The following THBS1 variants were observed in gnomAD, a reference collection of about 807,000 sequenced individuals.
The protein encoded by THBS1 is thrombospondin-1.
In THBS1, 29 loss-of-function variants were observed where a neutral mutation model predicts 126.1. The ratio of observed to expected loss-of-function variants is 0.23; its 90% confidence interval spans 0.17 to 0.31. The LOEUF (loss-of-function observed/expected upper bound fraction) is 0.31. Ranked by LOEUF, THBS1 falls within the 10% of genes least tolerant of loss-of-function variation. THBS1 has a pLI of 1.00. For missense variants in THBS1, 1,198 were observed against 1,545.2 expected (o/e 0.78, Z 3.77); for synonymous variants, 496 against 577.8 (o/e 0.86, Z 2.03).
chr15:39,590,454 C>T lies in THBS1; in HGVS notation c.2146-62C>T, dbSNP rs1287642459. On this transcript the variant is annotated intron_variant, in intron 13 of 21. Transcript: ENST00000260356. ...ATTTGGAATTCCAGGTACACTCCCT[C>T]GTGCATGAGCTCAGCATGAGGAAGG... 7.6e-6 allele frequency: 10 copies of T among 1,313,026 alleles called. No homozygotes were observed. The East Asian group carries it at 9.5e-5, about 12-fold the overall frequency. 81.3% of individuals were successfully genotyped at this position (1,313,026 alleles called of 1,614,324 possible).
rs770423297 is a variant in THBS1, at chr15:39,589,007, A to G, written c.1694A>G (p.Tyr565Cys). ...PCFAGVKCTS[Y>C]PDGSWKCGAC... is the part of the protein sequence containing the mutation. ...TTTGCCGGCGTGAAGTGTACTAGCT[A>G]CCCTGATGGCAGCTGGAAATGTGGT... The change falls in exon 11 of 22, where the codon TAC becomes TGC. Residue 565 changes from tyrosine (Y) to cysteine (C), a missense_variant. Around this residue, in one of 4 missense-constraint regions of THBS1, gnomAD observed 663 missense variants for 860.1 expected, o/e 0.77. Coordinates refer to ENST00000260356, the MANE Select transcript of THBS1 (RefSeq NM_003246.4). This position sits in a 1 kb window ranked among gnomAD's most constrained non-coding sequence, Gnocchi z 4.7. 2.5e-6 allele frequency: 4 copies of G among 1,614,032 alleles called. No homozygotes were observed. The South Asian group carries it at 3.3e-5, about 13-fold the overall frequency.
rs1297237916 is a variant in THBS1, at chr15:39,588,589, T to C, written c.1535T>C (p.Val512Ala). The stretch of plus-strand genomic sequence containing the variant: ...TGTTCTGTCACCTGTGGAGGAGGGG[T>C]ACAGAAACGTAGTCGTCTCTGCAAC... ...DICSVTCGGG[V>A]QKRSRLCNNP... The change falls in exon 10 of 22, where the codon GTA (valine) becomes GCA (alanine). Residue 512 changes from valine (V) to alanine (A), a missense_variant. Coordinates refer to ENST00000260356, the MANE Select transcript of THBS1 (RefSeq NM_003246.4). The C allele has an allele frequency of 1.2e-6, 2 of 1,608,880 alleles. No individual in the cohort carries two copies. The highest frequency in any genetic ancestry group is 4.5e-5 in the East Asian group (2 of 44,844).
intron 7 of THBS1, 188 bp from the exon 8 acceptor site, chr15:39,587,149 AATATATGTGT>A: frequency 4.3e-6 from 2 of 461,396 alleles, no homozygotes; most frequent in Non-Finnish European, 7.6e-6. Context: ...TGGTAATCAC[AATATATGTGT>A]ATATCAAAAC....
In THBS1 at chr15:39,590,788, G is replaced by A. The variant is rs1890311691; in HGVS notation, c.2253+165G>A. ...GTTCCAGTAGTTTAAGGATGTAGATGTTGCCAAGAGAATTTTTAAATGAGG... is the reference window on the plus strand; with the variant it reads ...GTTCCAGTAGTTTAAGGATGTAGATATTGCCAAGAGAATTTTTAAATGAGG... On this transcript the variant is annotated intron_variant, in intron 14 of 21. Coordinates refer to ENST00000260356, the MANE Select transcript of THBS1 (RefSeq NM_003246.4). 21 of 618,948 alleles carry A rather than the reference G, an allele frequency of 3.4e-5. No homozygotes were observed. In the South Asian group the frequency reaches 4.3e-4, roughly 13 times the overall value. The allele number at this position is 618,948 out of a possible 1,614,324, so 38.3% of individuals were successfully genotyped here. A position where few individuals can be genotyped will look rare whatever the true frequency, so the allele number is the denominator to read the frequency against.
In THBS1 at chr15:39,582,422, G is replaced by A; in HGVS notation, c.297G>A (p.Lys99=). The change falls in exon 3 of 22, where the codon AAG becomes AAA. Residue 99 remains lysine (K), a synonymous_variant. Transcript: ENST00000260356. ...TGGCATCCCTGAGGCAGATGAAGAA[G>A]ACCCGGGGCACGCTGCTGGCCCTGG... is the stretch of plus-strand genomic sequence containing the variant. The part of the protein sequence containing the change: ...LLLASLRQMK[K]TRGTLLALER... 1 of 1,614,112 alleles carries A rather than the reference G, an allele frequency of 6.2e-7. No homozygotes were observed. The highest frequency in any genetic ancestry group is 1.7e-5 in the Admixed American group (1 of 60,020).
chr15:39,582,212 C>G lies in THBS1; in HGVS notation c.87C>G (p.Ser29Arg). 2 of 1,606,798 alleles carry G rather than the reference C, an allele frequency of 1.2e-6. No homozygotes were observed. The highest frequency in any genetic ancestry group is 1.7e-6 in the Non-Finnish European group (2 of 1,176,566). ...NRIPESGGDN[S>R]VFDIFELTGA... ...TAACAGAGTCTGGCGGAGACAACAG[C>G]GTGTTTGACATCTTTGAACTCACCG... The change falls in exon 3 of 22, where the codon AGC becomes AGG. Residue 29 changes from serine (S) to arginine (R), a missense_variant. Physicochemically the swap from Ser to Arg is moderately radical, Grantham distance 110. Transcript: ENST00000260356.
chr15:39,585,439 C>G (rs769146956), intron 6 of THBS1, 31 bp from the exon 7 acceptor site: 46 of 1,598,558 alleles, frequency 2.9e-5, no homozygotes, highest in Non-Finnish European at 3.8e-5. Context: ...TGCTCAGCAG[C>G]CTGTTCCCCT....
Position 39,588,232 on chromosome 15 carries a change from C to T in THBS1, c.1471+14C>T, listed in dbSNP as rs768853036. On this transcript the variant is annotated intron_variant, in intron 9 of 21. Transcript: ENST00000260356. ...ACGCCTGCCCCAGTAAGTGTGAGGT[C>T]CGCTGCAAGGGTGAGCATGGGCAGC... 2.5e-6 allele frequency: 4 copies of T among 1,611,122 alleles called. No individual in the cohort carries two copies. In the East Asian group the frequency reaches 8.9e-5, roughly 36 times the overall value.
chr15:39,590,724 C>T, intron 14 of THBS1, 101 bp downstream of exon 14: 2 of 850,440 alleles, frequency 2.4e-6, no homozygotes, highest in Non-Finnish European at 1.9e-6. Flanking sequence ...AAAAAATATA[C>T]CAAATCAATA....
In THBS1 at chr15:39,593,884, T is replaced by G; in HGVS notation, c.3268-215T>G. On this transcript the variant is annotated intron_variant, in intron 19 of 21. Coordinates refer to ENST00000260356, the MANE Select transcript of THBS1 (RefSeq NM_003246.4). The surrounding 1 kb of genome is among the most constrained non-coding windows in gnomAD (Gnocchi z 5.9). Reference sequence around the variant, plus strand: ...CAAATCCTAAGGTGCCTTCAGCCTTTTCAAACAAAAAAACCTCCTTCCCTC... The same window carrying G: ...CAAATCCTAAGGTGCCTTCAGCCTTGTCAAACAAAAAAACCTCCTTCCCTC... The G allele has an allele frequency of 1.1e-6, 1 of 924,670 alleles. No individual in the cohort carries two copies. Among genetic ancestry groups the G allele is most frequent in the South Asian group, 1.8e-5 (1 of 55,462 alleles). 57.3% of individuals were successfully genotyped at this position (924,670 alleles called of 1,614,324 possible). A position where few individuals can be genotyped will look rare whatever the true frequency, so the allele number is the denominator to read the frequency against.
chr15:39,593,016 T>G lies in THBS1; in HGVS notation c.2784T>G (p.Asp928Glu). 6.2e-7 allele frequency: 1 copy of G among 1,613,548 alleles called. No individual in the cohort carries two copies. The highest frequency in any genetic ancestry group is 8.5e-7 in the Non-Finnish European group (1 of 1,179,872). ...QKDSDGDGRG[D>E]ACKDDFDHDS... ...TGACCTCAGGCGATGGTCGAGGTGA[T>G]GCCTGCAAAGATGATTTTGACCATG... Residue 928 changes from aspartate to glutamate, a missense_variant, in exon 18 of 22, where the codon GAT (aspartate) becomes GAG (glutamate). Physicochemically the swap from Asp to Glu is conservative, Grantham distance 45. This residue lies in a region of THBS1 where 255 missense variants were observed against 373.9 expected (regional missense o/e 0.68). Transcript: ENST00000260356. This position sits in a 1 kb window ranked among gnomAD's most constrained non-coding sequence, Gnocchi z 5.9.
At chr15:39,583,481 A>AT (rs1890149520) in intron 3 of THBS1, 136 bp from the exon 4 acceptor site, 1 of 620,022 alleles carries the variant, frequency 1.6e-6, no homozygotes, top group East Asian at 2.6e-5. Context: ...TTATTTTGAC[A>AT]TAGTGATCTT....
chr15:39,582,498 G>A lies in THBS1; in HGVS notation c.373G>A (p.Ala125Thr), dbSNP rs1890130811. Residue 125 changes from alanine to threonine, a missense_variant, in exon 3 of 22, where the codon GCG (alanine) becomes ACG (threonine). Ala to Thr is a moderately conservative substitution (Grantham distance 58). Coordinates refer to ENST00000260356, the MANE Select transcript of THBS1 (RefSeq NM_003246.4). Reference sequence around the variant, plus strand: ...CTTCAGCGTGGTGTCCAATGGCAAGGCGGGCACCCTGGACCTCAGCCTGAC... The same window carrying A: ...CTTCAGCGTGGTGTCCAATGGCAAGACGGGCACCCTGGACCTCAGCCTGAC... ...QVFSVVSNGKAGTLDLSLTVQ... is the reference protein window; with the variant it reads ...QVFSVVSNGKTGTLDLSLTVQ... 1 of 1,614,192 alleles carries A rather than the reference G, an allele frequency of 6.2e-7. No homozygotes were observed. Among genetic ancestry groups the A allele is most frequent in the Non-Finnish European group, 8.5e-7 (1 of 1,180,012 alleles).
Position 39,593,687 on chromosome 15 carries a change from G to A in THBS1, c.3267+19G>A, listed in dbSNP as rs769431549. Reference sequence around the variant, plus strand: ...TGGCCAGGTAAGAAGCAAAGCCCTGGAACAGAGAGAGAGCTTATGGGTGCC... The same window carrying A: ...TGGCCAGGTAAGAAGCAAAGCCCTGAAACAGAGAGAGAGCTTATGGGTGCC... On this transcript the variant is annotated intron_variant, in intron 19 of 21. Coordinates refer to ENST00000260356, the MANE Select transcript of THBS1 (RefSeq NM_003246.4). This position sits in a 1 kb window ranked among gnomAD's most constrained non-coding sequence, Gnocchi z 5.9. 8 of 1,610,762 alleles carry A rather than the reference G, an allele frequency of 5.0e-6. No individual in the cohort carries two copies. The highest frequency in any genetic ancestry group is 4.1e-4 in the Middle Eastern group (2 of 4,834).
intron 9 of THBS1, 125 bp downstream of exon 9, chr15:39,588,343 C>T: frequency 7.5e-7 from 1 of 1,340,706 alleles, no homozygotes; most frequent in South Asian, 1.5e-5. Flanking sequence ...GAGAAACAAA[C>T]AGAAGCAAAG....
rs1291763453 is a variant in THBS1 at position 39,581,905 on chromosome 15, T to C, written c.48T>C (p.Cys16=). The C allele has an allele frequency of 6.2e-7, 1 of 1,614,124 alleles. No individual in the cohort carries two copies. Among genetic ancestry groups the C allele is most frequent in the African/African-American group, 1.3e-5 (1 of 75,032 alleles). The stretch of plus-strand genomic sequence containing the variant: ...GCGTCCTGTTCCTGATGCATGTGTG[T>C]GGCACCAACCGCATTCCAGGTGAGT... ...GLGVLFLMHV[C]GTNRIPESGG... The change falls in exon 2 of 22, where the codon TGT becomes TGC. Residue 16 remains cysteine (C), a synonymous_variant. Coordinates refer to ENST00000260356, the MANE Select transcript of THBS1 (RefSeq NM_003246.4).
intron 7 of THBS1, 106 bp from the exon 8 acceptor site, chr15:39,587,241 A>G (rs1236922945): frequency 9.2e-7 from 1 of 1,088,962 alleles, no homozygotes; most frequent in East Asian, 2.5e-5. Flanking sequence ...AGAAATAAAT[A>G]TATTGCTTTT....
In THBS1 at chr15:39,597,280, G is replaced by GTTTTTTTTTTTTTTTTTTTTTGTTTTT. The variant is rs1890482131; in HGVS notation, c.*1933_*1934insTTTTTTTTTTTTTTTTTTTTTTTTTTG. The GTTTTTTTTTTTTTTTTTTTTTGTTTTT allele has an allele frequency of 1.7e-4, 8 of 48,050 alleles. No homozygotes were observed. The highest frequency in any genetic ancestry group is 6.9e-4 in the East Asian group (1 of 1,440). 3.0% of individuals were successfully genotyped at this position (48,050 alleles called of 1,614,324 possible). A position where few individuals can be genotyped will look rare whatever the true frequency, so the allele number is the denominator to read the frequency against. ...GTTGGTTTTTTCTTTTTTTTGTTTT[G>GTTTTTTTTTTTTTTTTTTTTTGTTTTT]TTTTTTTTTTTTTTTTTTTTTGCTT... is the stretch of plus-strand genomic sequence containing the variant. On this transcript the variant is annotated 3_prime_UTR_variant, in exon 22 of 22. Transcript: ENST00000260356.
At chr15:39,581,755 A>G in intron 1 of THBS1, 74 bp from the exon 2 acceptor site, 1 of 912,470 alleles carries the variant, frequency 1.1e-6, no homozygotes, top group South Asian at 1.6e-5. Context: ...CCCCATGCCC[A>G]GCCCCGTTTC....
Sources: gnomAD v4.1 joint callset for allele counts on GRCh38, gnomAD v4.1.1 for gene constraint, gnomAD v4.1.1 regional missense constraint, Gnocchi (gnomAD v3.1) non-coding constraint, MANE v1.5 for transcripts, NCBI Gene and HGNC (gene_info 2026-07-23, HGNC 2026-07-21) for gene names.